The following PCDHGA8 variants were observed in gnomAD, a reference collection of about 807,000 sequenced individuals.
PCDHGA8 encodes protocadherin gamma-A8.
PCDHGA8 carries 45 observed loss-of-function variants against 59.2 expected under a neutral mutation model. The observed-to-expected ratio is 0.76, with a 90% CI of 0.60 to 0.98. PCDHGA8 has a LOEUF of 0.98. Among genes scored for constraint, PCDHGA8 ranks in the 50% least tolerant of loss-of-function variants. The pLI, the probability that PCDHGA8 is intolerant of heterozygous loss-of-function variation, is 0.00. For synonymous variants in PCDHGA8, 531 were observed against 519.0 expected (o/e 1.02, Z -0.32); for missense variants, 1,257 against 1,196.2 (o/e 1.05, Z -0.75).
At chr5:141,430,906 C>A (rs764039566) in intron 1 of PCDHGA8, 2 of 1,606,932 alleles carry the variant, frequency 1.2e-6, no homozygotes, top group Non-Finnish European at 1.7e-6. Flanking sequence ...GCGACATCTC[C>A]AGGGACCTGG....
In PCDHGA8 at chr5:141,490,647, G is replaced by T; in HGVS notation, c.2425-4160G>T. 6.2e-7 allele frequency: 1 copy of T among 1,614,084 alleles called. No homozygotes were observed. Among genetic ancestry groups the T allele is most frequent in the Non-Finnish European group, 8.5e-7 (1 of 1,180,014 alleles). ...CTTACATCCTAGAAAACCGGCCTCCGGGCTCCCTTCTTTGCACTGTGGCTG... is the reference window on the plus strand; with the variant it reads ...CTTACATCCTAGAAAACCGGCCTCCTGGCTCCCTTCTTTGCACTGTGGCTG... On this transcript the variant is annotated intron_variant, in intron 1 of 3. Transcript: ENST00000398604. This position sits in a 1 kb window ranked among gnomAD's most constrained non-coding sequence, Gnocchi z 5.4.
intron 1 of PCDHGA8, among the ~76,000 whole-genome samples, chr5:141,461,838 T>G (rs1592748714): frequency 6.6e-6 from 1 of 151,980 alleles, no homozygotes; most frequent in African/African-American, 2.4e-5. Context: ...TTCTTTTTTT[T>G]TTGAGACAGA....
At chr5:141,497,664 C>T (rs779506763) in intron 2 of PCDHGA8, among the ~76,000 whole-genome samples, 14 of 151,904 alleles carry the variant, frequency 9.2e-5, no homozygotes, top group Non-Finnish European at 1.8e-4. Context: ...CTCAGCCTCC[C>T]GAGTAGCTGG....
At chr5:141,470,173 A>G (rs527296791) in intron 1 of PCDHGA8, among the ~76,000 whole-genome samples, 1 of 152,342 alleles carries the variant, frequency 6.6e-6, no homozygotes, top group South Asian at 2.1e-4. Context: ...AAGTATGCAA[A>G]ATATTCAAGT....
In PCDHGA8 at chr5:141,431,280, C is replaced by T. The variant is rs2097357763; in HGVS notation, c.2424+36043C>T. The T allele has an allele frequency of 1.9e-6, 3 of 1,614,146 alleles. No homozygotes were observed. Among genetic ancestry groups the T allele is most frequent in the South Asian group, 1.1e-5 (1 of 91,088 alleles). ...TCTCTGCAGAGCTACGAGCTCAGCC[C>T]GAACACTCACTTCTCCCTCATCGTG... On this transcript the variant is annotated intron_variant, in intron 1 of 3. Transcript: ENST00000398604. This position sits in a 1 kb window ranked among gnomAD's most constrained non-coding sequence, Gnocchi z 4.8.
At chr5:141,420,222 TG>T in intron 1 of PCDHGA8, 1 of 1,604,490 alleles carries the variant, frequency 6.2e-7, no homozygotes, top group East Asian at 2.2e-5. Flanking sequence ...AGCATGCTAC[TG>T]GCTAGCATTT....
chr5:141,500,124 A>G (rs1042231430), intron 2 of PCDHGA8, among the ~76,000 whole-genome samples: 2 of 151,656 alleles, frequency 1.3e-5, no homozygotes, highest in African/African-American at 2.4e-5. Flanking sequence ...GCCTTTTCAT[A>G]TATATCTTTC....
At chr5:141,408,500 A>G in intron 1 of PCDHGA8, 1 of 1,614,018 alleles carries the variant, frequency 6.2e-7, no homozygotes, top group Non-Finnish European at 8.5e-7. Context: ...CAAAGAGAGA[A>G]GAAGATGTGA....
Position 141,486,416 on chromosome 5 carries a change from C to G in PCDHGA8, c.2425-8391C>G. The G allele has an allele frequency of 4.3e-6, 7 of 1,614,152 alleles. No homozygotes were observed. The highest frequency in any genetic ancestry group is 5.9e-6 in the Non-Finnish European group (7 of 1,180,016). On this transcript the variant is annotated intron_variant, in intron 1 of 3. Coordinates refer to ENST00000398604, the MANE Select transcript of PCDHGA8 (RefSeq NM_032088.2). The surrounding 1 kb of genome is among the most constrained non-coding windows in gnomAD (Gnocchi z 5.0). Reference sequence around the variant, plus strand: ...CCTGGTGACTGCTGGACCCTTGGATCGAGAGGCCAAATCTAGCTATGACAT... The same window carrying G: ...CCTGGTGACTGCTGGACCCTTGGATGGAGAGGCCAAATCTAGCTATGACAT...
At chr5:141,410,526 C>T in intron 1 of PCDHGA8, 4 of 1,613,920 alleles carry the variant, frequency 2.5e-6, no homozygotes, top group Non-Finnish European at 3.4e-6. Context: ...CCCCTACATT[C>T]CAATGAAGAC....
intron 1 of PCDHGA8, among the ~76,000 whole-genome samples, chr5:141,449,753 C>T (rs1260240861): frequency 6.6e-6 from 1 of 151,246 alleles, no homozygotes; most frequent in East Asian, 1.9e-4. Context: ...ATTTTTATGA[C>T]ATTTGAGAGT....
chr5:141,456,975 A>T (rs1240583336), intron 1 of PCDHGA8, among the ~76,000 whole-genome samples: 1 of 152,178 alleles, frequency 6.6e-6, no homozygotes, highest in East Asian at 1.9e-4. Flanking sequence ...AACAAAACAA[A>T]CAAACAAACA....
chr5:141,478,352 G>T lies in PCDHGA8; in HGVS notation c.2425-16455G>T, dbSNP rs767743120. 36 of 1,613,674 alleles carry T rather than the reference G, an allele frequency of 2.2e-5. No homozygotes were observed. Among genetic ancestry groups the T allele is most frequent in the Non-Finnish European group, 3.1e-5 (36 of 1,180,016 alleles). On this transcript the variant is annotated intron_variant, in intron 1 of 3. Transcript: ENST00000398604. ...ACCAGGGCCCTCCTTGCACGCGGACGCCGTGCGGGGAGGCCTGATGTCGCC... is the reference window on the plus strand; with the variant it reads ...ACCAGGGCCCTCCTTGCACGCGGACTCCGTGCGGGGAGGCCTGATGTCGCC...
intron 1 of PCDHGA8, chr5:141,423,658 CA>C: frequency 6.4e-7 from 1 of 1,571,150 alleles, no homozygotes; most frequent in Non-Finnish European, 8.6e-7. Flanking sequence ...GACAAGTAAT[CA>C]GGTGAGATTT....
intron 1 of PCDHGA8, among the ~76,000 whole-genome samples, chr5:141,447,724 A>T (rs2098549653): frequency 6.6e-6 from 1 of 152,126 alleles, no homozygotes. Flanking sequence ...ATTTTCCAAA[A>T]CTCATTGAAC....
In PCDHGA8 at chr5:141,393,180, A is replaced by G; in HGVS notation, c.367A>G (p.Ile123Val). The change falls in exon 1 of 4, where the codon ATA becomes GTA. Residue 123 changes from isoleucine to valine, a missense_variant. By Grantham distance (29) the Ile-to-Val change is conservative. Coordinates refer to ENST00000398604, the MANE Select transcript of PCDHGA8 (RefSeq NM_032088.2). Reference protein sequence around the residue: ...KGKLFGVEIEIIDINDNNPKF... With the variant: ...KGKLFGVEIEVIDINDNNPKF... ...AAAACTCTTTGGGGTAGAAATAGAA[A>G]TAATTGATATTAACGATAATAACCC... 6.2e-7 allele frequency: 1 copy of G among 1,613,356 alleles called. No individual in the cohort carries two copies. The highest frequency in any genetic ancestry group is 1.1e-5 in the South Asian group (1 of 91,086).
chr5:141,463,373 GTCTGAAAGTT>G (rs1463437299), intron 1 of PCDHGA8, among the ~76,000 whole-genome samples: 1 of 147,058 alleles, frequency 6.8e-6, no homozygotes, highest in Non-Finnish European at 1.5e-5. Context: ...CTGCCCCACA[GTCTGAAAGTT>G]GTCTCCAGGC....
chr5:141,427,936 G>A, intron 1 of PCDHGA8: 1 of 1,584,966 alleles, frequency 6.3e-7, no homozygotes, highest in Admixed American at 1.7e-5. Context: ...ATGTTGGTGG[G>A]CGACCTCAAT....
At position 141,472,488 on chromosome 5, in the gene PCDHGA8, C is replaced by T. The variant is rs183545662; in HGVS notation, c.2425-22319C>T. 4.0e-3 allele frequency among the ~76,000 whole-genome samples: 607 copies of T among 151,768 alleles called. 6 individuals carry two copies. The highest frequency in any genetic ancestry group is 0.011 in the Admixed American group (174 of 15,254). On this transcript the variant is annotated intron_variant, in intron 1 of 3. Coordinates refer to ENST00000398604, the MANE Select transcript of PCDHGA8 (RefSeq NM_032088.2). Reference sequence around the variant, plus strand: ...CCAGAAGGCAGAGCTTGCAGTGAGACGAGATCGTGCCACTGCACTCCAGCC... The same window carrying T: ...CCAGAAGGCAGAGCTTGCAGTGAGATGAGATCGTGCCACTGCACTCCAGCC...
Sources: gnomAD v4.1 joint callset for allele counts (sites outside exome capture counted in the v4.1 genomes callset) on GRCh38, gnomAD v4.1.1 for gene constraint, Gnocchi (gnomAD v3.1) non-coding constraint, MANE v1.5 for transcripts, NCBI Gene and HGNC (gene_info 2026-07-23, HGNC 2026-07-21) for gene names.